Variants in PDZRN3 observed in about 807,000 individuals in gnomAD.
PDZRN3 encodes PDZ domain containing ring finger 3.
Under a neutral mutation model 85.7 loss-of-function variants are expected in PDZRN3, and 38 were observed. The observed-to-expected ratio is 0.44, with a 90% CI of 0.34 to 0.58. The LOEUF is 0.58. PDZRN3 is among the 20% of genes least tolerant of loss of function. The pLI, the probability that PDZRN3 is intolerant of heterozygous loss-of-function variation, is 0.01. For missense variants in PDZRN3, 1,629 were observed against 1,506.4 expected, an observed-to-expected ratio of 1.08 and a Z score of -1.35; for synonymous variants, 759 against 638.0, an observed-to-expected ratio of 1.19 and a Z score of -2.86.
At chr3:73,406,204 T>C (rs1413253182) in intron 3 of PDZRN3, among the ~76,000 whole-genome samples, 1 of 152,058 alleles carries the variant, frequency 6.6e-6, no homozygotes, top group Non-Finnish European at 1.5e-5. Flanking sequence ...GAAAGCAGGG[T>C]TTAACACTAC....
intron 3 of PDZRN3, among the ~76,000 whole-genome samples, chr3:73,600,903 G>T (rs1226428354): frequency 6.6e-6 from 1 of 152,134 alleles, no homozygotes; most frequent in East Asian, 1.9e-4. Flanking sequence ...CTCCTGACCT[G>T]GGAAGTACAA....
chr3:73,398,393 C>T (rs1279173279), intron 5 of PDZRN3, among the ~76,000 whole-genome samples: 1 of 152,206 alleles, frequency 6.6e-6, no homozygotes, highest in Non-Finnish European at 1.5e-5. Flanking sequence ...GGTCTGTGGC[C>T]TGTAGGTCAG....
At chr3:73,421,658 AT>A (rs960165517) in intron 3 of PDZRN3, among the ~76,000 whole-genome samples, 4 of 151,792 alleles carry the variant, frequency 2.6e-5, no homozygotes, top group Non-Finnish European at 4.4e-5. Context: ...AACTACTTCA[AT>A]TTTTTTTGAG....
At chr3:73,621,375 T>C (rs1336579230) in intron 1 of PDZRN3, among the ~76,000 whole-genome samples, 1 of 152,214 alleles carries the variant, frequency 6.6e-6, no homozygotes, top group Non-Finnish European at 1.5e-5. Context: ...CTTCAGCTTA[T>C]AACAGAGAAG....
At chr3:73,619,902 T>C (rs1427979697) in intron 1 of PDZRN3, among the ~76,000 whole-genome samples, 1 of 152,252 alleles carries the variant, frequency 6.6e-6, no homozygotes, top group Non-Finnish European at 1.5e-5. Context: ...GAAAGAGTTA[T>C]GGTCCAGGCA....
At chr3:73,396,233 A>AG (rs1204810410) in intron 5 of PDZRN3, among the ~76,000 whole-genome samples, 1 of 152,072 alleles carries the variant, frequency 6.6e-6, no homozygotes, top group Non-Finnish European at 1.5e-5. Flanking sequence ...CAAAAAAAAA[A>AG]GTAAATAATA....
At chr3:73,500,961 C>A (rs1435617297) in intron 3 of PDZRN3, among the ~76,000 whole-genome samples, 2 of 152,096 alleles carry the variant, frequency 1.3e-5, no homozygotes, top group East Asian at 3.9e-4. Flanking sequence ...ACGTGCAAGT[C>A]TGGTCTCCCA....
At position 73,608,821 on chromosome 3, in the gene PDZRN3, A is replaced by C. The variant is rs1702642450; in HGVS notation, c.724-137T>G. ...CTGTTATCTCTTGGGAAGTTTAACC[A>C]AGGAAACTTCTGGAACCCAATCTGA... On this transcript the variant is annotated intron_variant, in intron 1 of 9. Coordinates refer to ENST00000263666, the MANE Select transcript of PDZRN3 (RefSeq NM_015009.3). 14 of 626,948 alleles carry C rather than the reference A, an allele frequency of 2.2e-5. No homozygotes were observed. The Middle Eastern group carries it at 1.7e-3, about 77-fold the overall frequency. 38.8% of individuals were successfully genotyped at this position (626,948 alleles called of 1,614,324 possible).
intron 3 of PDZRN3, among the ~76,000 whole-genome samples, chr3:73,431,301 CATT>C (rs1575649512): frequency 6.6e-6 from 1 of 152,192 alleles, no homozygotes; most frequent in African/African-American, 2.4e-5. Flanking sequence ...TGTTCTGCAT[CATT>C]AAGCTCACAG....
intron 3 of PDZRN3, among the ~76,000 whole-genome samples, chr3:73,511,042 T>C (rs1014275027): frequency 4.6e-5 from 7 of 152,128 alleles, no homozygotes; most frequent in African/African-American, 1.7e-4. Flanking sequence ...TATTCAGATA[T>C]CGCTTTTAAC....
At chr3:73,517,352 T>C (rs1012348040) in intron 3 of PDZRN3, among the ~76,000 whole-genome samples, 2 of 152,214 alleles carry the variant, frequency 1.3e-5, no homozygotes, top group Non-Finnish European at 2.9e-5. Flanking sequence ...ACAGGTCTTC[T>C]TTCTATGTGA....
At chr3:73,548,452 T>G (rs1701479544) in intron 3 of PDZRN3, among the ~76,000 whole-genome samples, 1 of 152,180 alleles carries the variant, frequency 6.6e-6, no homozygotes, top group Non-Finnish European at 1.5e-5. Flanking sequence ...GGATCCTACT[T>G]TAGAGCACTC....
intron 3 of PDZRN3, among the ~76,000 whole-genome samples, chr3:73,431,088 T>G (rs1208536206): frequency 6.6e-6 from 1 of 152,194 alleles, no homozygotes; most frequent in Non-Finnish European, 1.5e-5. Context: ...CGACCCCAGG[T>G]AGGCAGGAGG....
intron 3 of PDZRN3, among the ~76,000 whole-genome samples, chr3:73,594,414 A>G (rs935468501): frequency 2.6e-5 from 4 of 152,218 alleles, no homozygotes; most frequent in Admixed American, 6.5e-5. Flanking sequence ...CGTATCCTGT[A>G]CAAAAATTTT....
In PDZRN3 at chr3:73,416,876, GTT is replaced by G. The variant is rs146381615; in HGVS notation, c.919-12483_919-12482del. Among the ~76,000 whole-genome samples, 154 of 110,372 alleles carry G rather than the reference GTT, an allele frequency of 1.4e-3. 1 individual carries two copies. Among genetic ancestry groups the G allele is most frequent in the African/African-American group, 4.9e-3 (139 of 28,558 alleles). The allele number at this position is 110,372 out of a possible 152,430, so 72.4% of individuals were successfully genotyped here. On this transcript the variant is annotated intron_variant, in intron 3 of 9. Transcript: ENST00000263666. ...TTTTTTTTTTGTTTGTTTTTTTTTGGTTTTTTTTTTTTTTTTTTTTTTTTTTT... is the reference window on the plus strand; with the variant it reads ...TTTTTTTTTTGTTTGTTTTTTTTTGGTTTTTTTTTTTTTTTTTTTTTTTTT...
chr3:73,513,364 C>T (rs1009318701), intron 3 of PDZRN3, among the ~76,000 whole-genome samples: 5 of 152,130 alleles, frequency 3.3e-5, no homozygotes, highest in Non-Finnish European at 7.4e-5. Context: ...TTAGGCATGG[C>T]GGTGATAAGA....
intron 3 of PDZRN3, among the ~76,000 whole-genome samples, chr3:73,494,175 C>T (rs528390859): frequency 1.3e-5 from 2 of 152,364 alleles, no homozygotes; most frequent in South Asian, 4.1e-4. Flanking sequence ...TCTTTCTTCA[C>T]TGACCACCAC....
In PDZRN3 at chr3:73,383,703, T is replaced by A. The variant is rs1328467823; in HGVS notation, c.2863A>T (p.Ser955Cys). Reference protein sequence around the residue: ...ERALKIREERSGMTTDDDAVS... With the variant: ...ERALKIREERCGMTTDDDAVS... ...GCGTCGTCGTCGGTGGTCATGCCGC[T>A]GCGCTCTTCCCGGATCTTCAGGGCG... Residue 955 changes from serine to cysteine, a missense_variant, in exon 10 of 10, where the codon AGC (serine) becomes TGC (cysteine). Physicochemically the swap from Ser to Cys is moderately radical, Grantham distance 112. Coordinates refer to ENST00000263666, the MANE Select transcript of PDZRN3 (RefSeq NM_015009.3). 6.2e-7 allele frequency: 1 copy of A among 1,611,632 alleles called. No individual in the cohort carries two copies. The highest frequency in any genetic ancestry group is 1.1e-5 in the South Asian group (1 of 91,080).
In PDZRN3 at chr3:73,385,942, G is replaced by GA. The variant is rs1701373056; in HGVS notation, c.1519-158dup. On this transcript the variant is annotated intron_variant, in intron 8 of 9. Coordinates refer to ENST00000263666, the MANE Select transcript of PDZRN3 (RefSeq NM_015009.3). ...GCCCAATGATTTGCTGTTAAGTCAG[G>GA]AAACTATCCAACCCTTACATTAAAC... is the stretch of plus-strand genomic sequence containing the variant. Among the ~76,000 whole-genome samples, 3 of 152,118 alleles carry GA rather than the reference G, an allele frequency of 2.0e-5. No homozygotes were observed. The South Asian group carries it at 6.2e-4, about 32-fold the overall frequency.
Sources: gnomAD v4.1 joint callset for allele counts (sites outside exome capture counted in the v4.1 genomes callset) on GRCh38, gnomAD v4.1.1 for gene constraint, MANE v1.5 for transcripts, NCBI Gene and HGNC (gene_info 2026-07-23, HGNC 2026-07-21) for gene names.